Variants in EFR3B observed in about 807,000 individuals in gnomAD.
EFR3B encodes the protein EFR3 homolog B, also known as protein EFR3 homolog B.
EFR3B carries 64 observed loss-of-function variants against 104.7 expected under a neutral mutation model. The observed-to-expected ratio is 0.61, with a 90% CI of 0.50 to 0.75. The LOEUF is 0.75. Ranked by LOEUF, EFR3B falls within the 30% of genes least tolerant of loss-of-function variation. The pLI, the probability that EFR3B is intolerant of heterozygous loss-of-function variation, is 0.00. For missense variants in EFR3B, 750 were observed against 1,078.5 expected (o/e 0.70, Z 4.27); for synonymous variants, 385 against 417.9 (o/e 0.92, Z 0.96).
chr2:25,154,331 T>C lies in EFR3B; in HGVS notation c.2445T>C (p.Cys815=), dbSNP rs1405461962. 3.2e-6 allele frequency: 5 copies of C among 1,552,148 alleles called. No homozygotes were observed. The highest frequency in any genetic ancestry group is 3.5e-6 in the Non-Finnish European group (4 of 1,147,082). ...PVYEMKFPDL[C]VY ...ATGAAATGAAGTTTCCCGATCTGTG[T>C]GTATACTGAATTCCAAGAGCCTGAG... Residue 815 remains cysteine, a synonymous_variant, in exon 23 of 23, where the codon TGT becomes TGC. Transcript: ENST00000403714. The surrounding 1 kb of genome is among the most constrained non-coding windows in gnomAD (Gnocchi z 4.1).
chr2:25,131,869 C>G lies in EFR3B; in HGVS notation c.1105C>G (p.His369Asp). 6.5e-7 allele frequency: 1 copy of G among 1,546,958 alleles called. No homozygotes were observed. Among genetic ancestry groups the G allele is most frequent in the Non-Finnish European group, 8.7e-7 (1 of 1,145,458 alleles). The change falls in exon 10 of 23, where the codon CAC becomes GAC. Residue 369 changes from histidine (H) to aspartate (D), a missense_variant. Transcript: ENST00000403714. This position sits in a 1 kb window ranked among gnomAD's most constrained non-coding sequence, Gnocchi z 7.6. ...VSLGTKIIKE[H>D]EERMFQEAVI... ...CCTCGGCACCAAGATCATCAAGGAGCACGAGGAGCGCATGTTCCAGGAGGC... is the reference window on the plus strand; with the variant it reads ...CCTCGGCACCAAGATCATCAAGGAGGACGAGGAGCGCATGTTCCAGGAGGC...
At chr2:25,121,249 T>C (rs770783794) in intron 4 of EFR3B, among the ~76,000 whole-genome samples, 12 of 152,194 alleles carry the variant, frequency 7.9e-5, no homozygotes, top group Non-Finnish European at 1.3e-4. Flanking sequence ...TAAAGTCAAA[T>C]TTCAGATTTG....
rs973761563 is a variant in EFR3B at position 25,123,990 on chromosome 2, G to T, written c.485+2196G>T. 2.0e-5 allele frequency among the ~76,000 whole-genome samples: 3 copies of T among 152,210 alleles called. No individual in the cohort carries two copies. The East Asian group carries it at 5.8e-4, about 29-fold the overall frequency. On this transcript the variant is annotated intron_variant, in intron 5 of 22. Coordinates refer to ENST00000403714, the MANE Select transcript of EFR3B (RefSeq NM_014971.2). The stretch of plus-strand genomic sequence containing the variant: ...GGCGCTGGTCACCCATGACAGGAAG[G>T]CCTGTGGGTGAGAGAGGGTGGAGGA...
At position 25,131,940 on chromosome 2, in the gene EFR3B, G is replaced by A. The variant is rs1341753971; in HGVS notation, c.1147+29G>A. On this transcript the variant is annotated intron_variant, in intron 10 of 22. Transcript: ENST00000403714. This position sits in a 1 kb window ranked among gnomAD's most constrained non-coding sequence, Gnocchi z 7.6. ...CGGCGCGGGGCCGGGCCGGGGCGGGGCGGGGCCGAGGCGCGGAGTGGGGAG... is the reference window on the plus strand; with the variant it reads ...CGGCGCGGGGCCGGGCCGGGGCGGGACGGGGCCGAGGCGCGGAGTGGGGAG... The A allele has an allele frequency of 2.1e-6, 3 of 1,449,756 alleles. No individual in the cohort carries two copies. Among genetic ancestry groups the A allele is most frequent in the Admixed American group, 2.6e-5 (1 of 38,222 alleles). 89.8% of individuals were successfully genotyped at this position (1,449,756 alleles called of 1,614,324 possible).
chr2:25,121,642 C>T, intron 4 of EFR3B, 31 bp from the exon 5 acceptor site: 1 of 1,551,378 alleles, frequency 6.4e-7, no homozygotes, highest in Non-Finnish European at 8.7e-7. Context: ...GGTCACCTCT[C>T]TCGTGTGTTT....
intron 4 of EFR3B, among the ~76,000 whole-genome samples, chr2:25,118,618 A>C (rs556611827): frequency 2.7e-5 from 4 of 147,734 alleles, no homozygotes; most frequent in Admixed American, 7.0e-5. Context: ...CGTGGTGACT[A>C]TTTCACAGCG....
chr2:25,070,692 G>A (rs1668468868), intron 1 of EFR3B, among the ~76,000 whole-genome samples: 4 of 152,178 alleles, frequency 2.6e-5, no homozygotes, highest in Admixed American at 2.0e-4. Context: ...GCCAGGAGTG[G>A]GAGATATTTG....
intron 3 of EFR3B, among the ~76,000 whole-genome samples, chr2:25,097,485 G>A (rs1002433754): frequency 5.9e-5 from 9 of 152,124 alleles, no homozygotes; most frequent in Non-Finnish European, 1.3e-4. Flanking sequence ...TGACCATATG[G>A]ACATGAACCT....
intron 4 of EFR3B, 109 bp from the exon 5 acceptor site, chr2:25,121,564 G>A: frequency 7.2e-7 from 1 of 1,395,822 alleles, no homozygotes; most frequent in Non-Finnish European, 9.8e-7. Context: ...CTGGCTCCAG[G>A]ATGCGTGGTT....
At chr2:25,134,324 C>T (rs1294197441) in intron 12 of EFR3B, among the ~76,000 whole-genome samples, 8 of 152,080 alleles carry the variant, frequency 5.3e-5, no homozygotes, top group Non-Finnish European at 7.4e-5. Flanking sequence ...GCCACCACCA[C>T]GCCTAGCTAA....
intron 1 of EFR3B, among the ~76,000 whole-genome samples, chr2:25,060,938 A>ACAG (rs1157843872): frequency 2.0e-5 from 3 of 148,200 alleles, no homozygotes; most frequent in Non-Finnish European, 4.5e-5. Context: ...AAACAAACAA[A>ACAG]CAACAACAAC....
chr2:25,117,776 C>T (rs1387433834), intron 4 of EFR3B, among the ~76,000 whole-genome samples: 1 of 152,080 alleles, frequency 6.6e-6, no homozygotes, highest in Middle Eastern at 3.2e-3. Context: ...TGTTCTCTAA[C>T]AATATCATCC....
chr2:25,072,675 C>T (rs749517093), intron 1 of EFR3B, among the ~76,000 whole-genome samples: 7 of 152,198 alleles, frequency 4.6e-5, no homozygotes, highest in Non-Finnish European at 1.0e-4. Flanking sequence ...TAGCCAGACC[C>T]ATGGCTACCC....
intron 20 of EFR3B, among the ~76,000 whole-genome samples, chr2:25,151,666 G>A (rs560974721): frequency 2.4e-4 from 36 of 152,230 alleles, no homozygotes; most frequent in Non-Finnish European, 4.4e-4. Context: ...TAAGAGCCCC[G>A]CTGAAAGGGC....
chr2:25,092,834 A>G (rs1034028852), intron 2 of EFR3B, among the ~76,000 whole-genome samples, 169 bp from the exon 3 acceptor site: 6 of 152,242 alleles, frequency 3.9e-5, no homozygotes, highest in Non-Finnish European at 5.9e-5. Context: ...GCCTATAACT[A>G]AAACTATGTT....
Position 25,131,137 on chromosome 2 carries a change from A to G in EFR3B, c.850-231A>G, listed in dbSNP as rs1024407981. Among the ~76,000 whole-genome samples the G allele has an allele frequency of 4.6e-5, 7 of 152,260 alleles. No individual in the cohort carries two copies. Among genetic ancestry groups the G allele is most frequent in the African/African-American group, 1.7e-4 (7 of 41,476 alleles). ...ATGGTCTTTTGACCAATTTTGAAGT[A>G]AAAGGGCCCTGGAAAACTGTCAGCT... On this transcript the variant is annotated intron_variant, in intron 8 of 22. Coordinates refer to ENST00000403714, the MANE Select transcript of EFR3B (RefSeq NM_014971.2). This position sits in a 1 kb window ranked among gnomAD's most constrained non-coding sequence, Gnocchi z 7.6.
At chr2:25,125,601 C>G (rs1311314568) in intron 5 of EFR3B, among the ~76,000 whole-genome samples, 1 of 152,176 alleles carries the variant, frequency 6.6e-6, no homozygotes, top group Non-Finnish European at 1.5e-5. Flanking sequence ...GCTGCCACCT[C>G]CAGCCACAGT....
chr2:25,140,262 G>A (rs571528933), intron 16 of EFR3B, among the ~76,000 whole-genome samples: 1 of 152,198 alleles, frequency 6.6e-6, no homozygotes, highest in Non-Finnish European at 1.5e-5. Context: ...AGCCAAGATT[G>A]CACCACTGCA....
chr2:25,131,837 C>A lies in EFR3B; in HGVS notation c.1073C>A (p.Ala358Glu). The A allele has an allele frequency of 6.5e-7, 1 of 1,549,584 alleles. No individual in the cohort carries two copies. The highest frequency in any genetic ancestry group is 8.7e-7 in the Non-Finnish European group (1 of 1,146,388). Residue 358 changes from alanine to glutamate, a missense_variant, in exon 10 of 23, where the codon GCG (alanine) becomes GAG (glutamate). Coordinates refer to ENST00000403714, the MANE Select transcript of EFR3B (RefSeq NM_014971.2). The surrounding 1 kb of genome is among the most constrained non-coding windows in gnomAD (Gnocchi z 7.6). ...GCGCTGACCGGGAGCTACGACGGGG[C>A]GGTCAGCCTCGGCACCAAGATCATC... ...DYALTGSYDGAVSLGTKIIKE... is the reference protein window; with the variant it reads ...DYALTGSYDGEVSLGTKIIKE...
Sources: allele counts gnomAD v4.1 joint callset (sites outside exome capture counted in the v4.1 genomes callset), GRCh38; gene constraint gnomAD v4.1.1; non-coding constraint Gnocchi (gnomAD v3.1); transcripts MANE v1.5; gene names NCBI Gene and HGNC (gene_info 2026-07-23, HGNC 2026-07-21).